CYP2S1: variants seen among roughly 807,000 people sequenced by gnomAD.
The protein encoded by CYP2S1 is cytochrome P450 family 2 subfamily S member 1.
CYP2S1 carries 32 observed loss-of-function variants against 43.5 expected under a neutral mutation model. The ratio of observed to expected loss-of-function variants is 0.74; its 90% CI spans 0.56 to 0.99. CYP2S1 has a LOEUF of 0.99. Among genes scored for constraint, CYP2S1 ranks in the 50% least tolerant of loss-of-function variants. CYP2S1 has a pLI of 0.00. For synonymous variants in CYP2S1, 283 were observed against 302.9 expected (o/e 0.93, Z 0.68); for missense variants, 575 against 673.9 (o/e 0.85, Z 1.62).
chr19:41,197,573 G>A (rs1250737827), intron 2 of CYP2S1, among the ~76,000 whole-genome samples: 3 of 151,822 alleles, frequency 2.0e-5, no homozygotes, highest in Non-Finnish European at 2.9e-5. Context: ...GGTGGCGGGC[G>A]CCTGTAGTCC....
At chr19:41,193,782 TC>T in intron 1 of CYP2S1, 1 of 233,842 alleles carries the variant, frequency 4.3e-6, no homozygotes, top group Non-Finnish European at 8.1e-6. Context: ...GCTGGGCTTG[TC>T]CCAGAGGGAG....
At position 41,207,013 on chromosome 19, in the gene CYP2S1, CCACTCTCCCA is replaced by C; in HGVS notation, c.*526_*535del. 9.5e-6 allele frequency: 3 copies of C among 316,378 alleles called. No homozygotes were observed. The highest frequency in any genetic ancestry group is 1.2e-3 in the Middle Eastern group (1 of 858). 19.6% of individuals were successfully genotyped at this position (316,378 alleles called of 1,614,324 possible). A position where few individuals can be genotyped will look rare whatever the true frequency, so the allele number is the denominator to read the frequency against. On this transcript the variant is annotated 3_prime_UTR_variant, in exon 9 of 9. Transcript: ENST00000310054. ...ACTCATGCTCCCTCTCTTGGCTACA[CCACTCTCCCA>C]GCCTGTGACCACCGATGTCCACACA...
At chr19:41,196,310 A>G (rs188564902) in intron 2 of CYP2S1, among the ~76,000 whole-genome samples, 1 of 152,166 alleles carries the variant, frequency 6.6e-6, no homozygotes, top group Non-Finnish European at 1.5e-5. Context: ...AAAGCTGAGA[A>G]GCCAGGGAAA....
In CYP2S1 at chr19:41,198,335, C is replaced by A; in HGVS notation, c.494-127C>A. The A allele has an allele frequency of 8.1e-7, 1 of 1,238,052 alleles. No homozygotes were observed. The allele number at this position is 1,238,052 out of a possible 1,614,324, so 76.7% of individuals were successfully genotyped here. A position where few individuals can be genotyped will look rare whatever the true frequency, so the allele number is the denominator to read the frequency against. ...TCTGTATCCTTCTTTGCCTGTTTAG[C>A]TCTCTCCCTGCGCTGTCCATCCATC... On this transcript the variant is annotated intron_variant, in intron 3 of 8. Transcript: ENST00000310054. The surrounding 1 kb of genome is among the most constrained non-coding windows in gnomAD (Gnocchi z 4.9).
chr19:41,203,188 G>A (rs1471092618), intron 6 of CYP2S1, among the ~76,000 whole-genome samples: 3 of 151,150 alleles, frequency 2.0e-5, no homozygotes, highest in East Asian at 1.9e-4. Context: ...CTCCAGCCTG[G>A]GCAACAAGAG....
rs138879300 is a variant in CYP2S1, at chr19:41,194,668, G to A, written c.302G>A (p.Arg101Gln). ...GGTCAGGCTGAGGAGTTCAGCGGCC[G>A]GGGAACCGTAGCGATGCTGGAAGGG... ...LGGQAEEFSG[R>Q]GTVAMLEGTF... Residue 101 changes from arginine to glutamine, a missense_variant, in exon 2 of 9, where the codon CGG (arginine) becomes CAG (glutamine). By Grantham distance (43) the Arg-to-Gln change is conservative (BLOSUM62 1). Around this residue, in one of 2 missense-constraint regions of CYP2S1, gnomAD observed 353 missense variants for 367.6 expected, o/e 0.96. Coordinates refer to ENST00000310054, the MANE Select transcript of CYP2S1 (RefSeq NM_030622.8). 55 of 1,612,244 alleles carry A rather than the reference G, an allele frequency of 3.4e-5. No individual in the cohort carries two copies. The highest frequency in any genetic ancestry group is 4.5e-5 in the East Asian group (2 of 44,794).
chr19:41,195,914 TACCTG>T (rs1369179116), intron 2 of CYP2S1, among the ~76,000 whole-genome samples: 1 of 151,966 alleles, frequency 6.6e-6, no homozygotes, highest in East Asian at 1.9e-4. Context: ...AAAATCATTA[TACCTG>T]GTACCATGGG....
intron 2 of CYP2S1, among the ~76,000 whole-genome samples, chr19:41,196,934 G>A (rs953108427): frequency 5.9e-5 from 9 of 152,180 alleles, no homozygotes; most frequent in African/African-American, 1.7e-4. Context: ...CGGTGCTCAC[G>A]CTTGCCATTC....
At chr19:41,206,163 TG>T in intron 8 of CYP2S1, 64 bp downstream of exon 8, 2 of 1,608,000 alleles carry the variant, frequency 1.2e-6, no homozygotes, top group Non-Finnish European at 1.7e-6. Context: ...CTGTGCCAGC[TG>T]GGGGCACCCT....
At chr19:41,205,897 T>C in intron 7 of CYP2S1, 61 bp from the exon 8 acceptor site, 1 of 1,582,596 alleles carries the variant, frequency 6.3e-7, no homozygotes, top group Non-Finnish European at 8.6e-7. Context: ...TACTCCACAC[T>C]CGAGGACCAA....
intron 7 of CYP2S1, among the ~76,000 whole-genome samples, chr19:41,205,366 CTTTCTTTCTT>C (rs748769017): frequency 0.069 from 5,647 of 82,036 alleles, 161 homozygotes; most frequent in African/African-American, 0.27. Context: ...TTCTTTCTTT[CTTTCTTTCTT>C]TCTTTCTCTC....
chr19:41,196,710 T>C (rs540660947), intron 2 of CYP2S1, among the ~76,000 whole-genome samples: 1 of 152,224 alleles, frequency 6.6e-6, no homozygotes, highest in African/African-American at 2.4e-5. Flanking sequence ...CACGACAGGC[T>C]GGCATTGGAC....
In CYP2S1 at chr19:41,198,846, C is replaced by T. The variant is rs566557150; in HGVS notation, c.792C>T (p.Pro264=). The stretch of plus-strand genomic sequence containing the variant: ...AGGGGAACCTGGATGCTTCGGGCCC[C>T]GCACGTGACCTTGTCGATGCCTTCC... ...QHQGNLDASG[P]ARDLVDAFLL... The change falls in exon 5 of 9, where the codon CCC becomes CCT. Residue 264 remains proline, a synonymous_variant. Transcript: ENST00000310054. The surrounding 1 kb of genome is among the most constrained non-coding windows in gnomAD (Gnocchi z 4.9). The T allele has an allele frequency of 8.1e-6, 13 of 1,614,032 alleles. No homozygotes were observed. Among genetic ancestry groups the T allele is most frequent in the African/African-American group, 4.0e-5 (3 of 75,068 alleles).
At chr19:41,205,408 C>CT (rs1403314356) in intron 7 of CYP2S1, among the ~76,000 whole-genome samples, 2 of 101,878 alleles carry the variant, frequency 2.0e-5, no homozygotes, top group African/African-American at 1.2e-4. Flanking sequence ...TTCTCTCTTT[C>CT]TTTCTTTCTT....
chr19:41,200,771 G>T (rs193053146), intron 5 of CYP2S1, among the ~76,000 whole-genome samples: 193 of 152,290 alleles, frequency 1.3e-3, no homozygotes, highest in Admixed American at 3.3e-3. Flanking sequence ...TATAAGGATT[G>T]ATGAAGATGT....
At chr19:41,201,957 G>A (rs907699176) in intron 6 of CYP2S1, among the ~76,000 whole-genome samples, 4 of 151,854 alleles carry the variant, frequency 2.6e-5, no homozygotes, top group African/African-American at 9.7e-5. Context: ...AGCAGGGGAG[G>A]GCAAGGTCAA....
Position 41,201,361 on chromosome 19 carries a change from C to G in CYP2S1, c.965C>G (p.Pro322Arg). 1 of 1,613,870 alleles carries G rather than the reference C, an allele frequency of 6.2e-7. No individual in the cohort carries two copies. Among genetic ancestry groups the G allele is most frequent in the Non-Finnish European group, 8.5e-7 (1 of 1,179,922 alleles). Residue 322 changes from proline to arginine, a missense_variant, in exon 6 of 9, where the codon CCT (proline) becomes CGT (arginine). By Grantham distance (103) the Pro-to-Arg change is moderately radical. Coordinates refer to ENST00000310054, the MANE Select transcript of CYP2S1 (RefSeq NM_030622.8). ...ACCCTCCTGCTCCTGATGAAATACC[C>G]TCATGTCCAAAGTAAGAGCCTTTTC... ...GYTLLLLMKY[P>R]HVQKWVREEL...
At chr19:41,199,987 A>G (rs991879831) in intron 5 of CYP2S1, among the ~76,000 whole-genome samples, 1 of 150,242 alleles carries the variant, frequency 6.7e-6, no homozygotes, top group Non-Finnish European at 1.5e-5. Flanking sequence ...AAAAAAAAAG[A>G]AAAAAAGAAA....
At chr19:41,196,813 T>C (rs1254446680) in intron 2 of CYP2S1, among the ~76,000 whole-genome samples, 1 of 151,992 alleles carries the variant, frequency 6.6e-6, no homozygotes, top group Non-Finnish European at 1.5e-5. Flanking sequence ...CTAAACTACA[T>C]GGGGCACAGG....
Sources: gnomAD v4.1 joint callset for allele counts (sites outside exome capture counted in the v4.1 genomes callset) on GRCh38, gnomAD v4.1.1 for gene constraint, gnomAD v4.1.1 regional missense constraint, Gnocchi (gnomAD v3.1) non-coding constraint, MANE v1.5 for transcripts, NCBI Gene and HGNC (gene_info 2026-07-23, HGNC 2026-07-21) for gene names.